Variants in AAK1 observed in about 807,000 individuals in gnomAD.
AAK1 encodes AP2-associated protein kinase 1.
A neutral mutation model predicts 116.0 loss-of-function variants in AAK1; 37 were observed. The observed-to-expected ratio is 0.32, with a 90% confidence interval of 0.25 to 0.42. The LOEUF is 0.42. Among genes scored for constraint, AAK1 ranks in the 10% least tolerant of loss-of-function variants. The pLI, the probability that AAK1 is intolerant of heterozygous loss-of-function variation, is 1.00. For synonymous variants in AAK1, 458 were observed against 439.9 expected (o/e 1.04, Z -0.51); for missense variants, 919 against 1,170.6 (o/e 0.79, Z 3.14).
chr2:69,518,845 AC>A (rs1676701868), intron 12 of AAK1, 108 bp downstream of exon 12: 16 of 1,401,476 alleles, frequency 1.1e-5, no homozygotes, highest in Non-Finnish European at 1.3e-5. Flanking sequence ...TCTATGAGAA[AC>A]AGTGATGTAA....
chr2:69,490,741 T>C (rs1329646412), intron 17 of AAK1, among the ~76,000 whole-genome samples: 1 of 152,106 alleles, frequency 6.6e-6, no homozygotes. Context: ...TGGATGGTAG[T>C]GATGGCTGCA....
chr2:69,612,408 T>C (rs1360444296), intron 2 of AAK1, among the ~76,000 whole-genome samples: 1 of 152,208 alleles, frequency 6.6e-6, no homozygotes. Context: ...GAGGTAACAG[T>C]AGGGCTGTGG....
In AAK1 at chr2:69,469,996, C is replaced by T; in HGVS notation, c.*5873G>A. On this transcript the variant is annotated 3_prime_UTR_variant, in exon 22 of 22. Coordinates refer to ENST00000409085, the MANE Select transcript of AAK1 (RefSeq NM_014911.5). ...ACCAGCTCCCTATTCACTTCCAAAG[C>T]AACCCAAAGTGCTGAATCATTTAGG... is the stretch of plus-strand genomic sequence containing the variant. 1.0e-6 allele frequency: 1 copy of T among 985,418 alleles called. No homozygotes were observed. 61.0% of individuals were successfully genotyped at this position (985,418 alleles called of 1,614,324 possible). A position where few individuals can be genotyped will look rare whatever the true frequency, so the allele number is the denominator to read the frequency against.
At chr2:69,514,907 AG>A (rs1676524145) in intron 12 of AAK1, among the ~76,000 whole-genome samples, 158 bp from the exon 13 acceptor site, 1 of 152,252 alleles carries the variant, frequency 6.6e-6, no homozygotes, top group South Asian at 2.1e-4. Context: ...TAGAGACCTC[AG>A]GGAATTAAAA....
chr2:69,493,329 C>G (rs1675615657), intron 17 of AAK1, among the ~76,000 whole-genome samples: 1 of 151,920 alleles, frequency 6.6e-6, no homozygotes, highest in Non-Finnish European at 1.5e-5. Context: ...AAACGACCTG[C>G]TGAGCCTAGC....
intron 2 of AAK1, among the ~76,000 whole-genome samples, chr2:69,627,451 A>G (rs1228334902): frequency 6.6e-6 from 1 of 152,198 alleles, no homozygotes; most frequent in African/African-American, 2.4e-5. Flanking sequence ...GACAGCCTCT[A>G]TGAAGTGGGA....
At chr2:69,521,693 T>A (rs1669784594) in intron 10 of AAK1, among the ~76,000 whole-genome samples, 1 of 152,240 alleles carries the variant, frequency 6.6e-6, no homozygotes, top group Non-Finnish European at 1.5e-5. Context: ...TGTTTCTAAG[T>A]CCTGGCATTA....
chr2:69,566,018 C>A (rs1362574539), intron 2 of AAK1, among the ~76,000 whole-genome samples: 4 of 152,072 alleles, frequency 2.6e-5, no homozygotes, highest in Non-Finnish European at 5.9e-5. Flanking sequence ...CTTGGGTGGA[C>A]TATTCAGGTG....
intron 2 of AAK1, among the ~76,000 whole-genome samples, chr2:69,633,903 C>T (rs1247971820): frequency 1.3e-5 from 2 of 152,190 alleles, no homozygotes; most frequent in South Asian, 2.1e-4. Flanking sequence ...GGCACAGTGG[C>T]TCACGCCTGT....
chr2:69,621,165 T>C (rs769273821), intron 2 of AAK1, among the ~76,000 whole-genome samples: 15 of 152,144 alleles, frequency 9.9e-5, no homozygotes, highest in African/African-American at 1.7e-4. Context: ...TTCAAGTATA[T>C]AGTAGAGTCG....
chr2:69,550,980 T>C (rs1671158449), intron 3 of AAK1, among the ~76,000 whole-genome samples: 1 of 152,192 alleles, frequency 6.6e-6, no homozygotes, highest in Non-Finnish European at 1.5e-5. Flanking sequence ...AGACAATTTT[T>C]TTCCTACTCC....
intron 17 of AAK1, among the ~76,000 whole-genome samples, chr2:69,490,249 G>C (rs1204246661): frequency 6.6e-6 from 1 of 152,106 alleles, no homozygotes; most frequent in Non-Finnish European, 1.5e-5. Flanking sequence ...ATGGAAAACA[G>C]TGGTCCTCAA....
chr2:69,592,425 G>GC (rs1400503504), intron 2 of AAK1, among the ~76,000 whole-genome samples: 2 of 152,114 alleles, frequency 1.3e-5, no homozygotes, highest in Non-Finnish European at 2.9e-5. Flanking sequence ...GCACAGGACA[G>GC]CCCCCCACAA....
Position 69,459,170 on chromosome 2 carries a change from C to G in AAK1, c.*16699G>C, listed in dbSNP as rs1193442098. 1 of 152,208 alleles carries G rather than the reference C, an allele frequency of 6.6e-6. No homozygotes were observed. The highest frequency in any genetic ancestry group is 1.5e-5 in the Non-Finnish European group (1 of 68,046). 9.4% of individuals were successfully genotyped at this position (152,208 alleles called of 1,614,324 possible). On this transcript the variant is annotated 3_prime_UTR_variant, in exon 22 of 22. Transcript: ENST00000409085. ...TCCGGGAAAAGTACCTCTGGGTTGT[C>G]ACTACAGAGTAAGGCTGGGGTCCTG...
At position 69,620,989 on chromosome 2, in the gene AAK1, A is replaced by T. The variant is rs189613635; in HGVS notation, c.163+21889T>A. On this transcript the variant is annotated intron_variant, in intron 2 of 21. Coordinates refer to ENST00000409085, the MANE Select transcript of AAK1 (RefSeq NM_014911.5). ...ATGAAATAAAATTTTTAAAAAGCAT[A>T]CCCTTTGCCCAACTCTCACTGTGGT... Among the ~76,000 whole-genome samples, 96 of 152,286 alleles carry T rather than the reference A, an allele frequency of 6.3e-4. 3 individuals are homozygous for T. Among genetic ancestry groups the T allele is most frequent in the Admixed American group, 5.5e-3 (84 of 15,296 alleles).
chr2:69,523,743 T>C (rs74737340), intron 10 of AAK1, among the ~76,000 whole-genome samples: 3,204 of 152,324 alleles, frequency 0.021, 73 homozygotes, highest in African/African-American at 0.051. Context: ...TGCTGTGTGT[T>C]TGCCCTGGTG....
At chr2:69,567,902 G>C (rs1671942717) in intron 2 of AAK1, among the ~76,000 whole-genome samples, 1 of 152,226 alleles carries the variant, frequency 6.6e-6, no homozygotes, top group East Asian at 1.9e-4. Context: ...CTTCAGTTGA[G>C]AGGGAAAAGA....
At chr2:69,549,598 C>T (rs4852272) in intron 3 of AAK1, among the ~76,000 whole-genome samples, 57,948 of 151,924 alleles carry the variant, frequency 0.38, 12,070 homozygotes, top group East Asian at 0.76. Context: ...GCAGAGTAGA[C>T]CAGCACTATC....
rs947605383 is a variant in AAK1 at position 69,466,243 on chromosome 2, C to G, written c.*9626G>C. On this transcript the variant is annotated 3_prime_UTR_variant, in exon 22 of 22. Transcript: ENST00000409085. ...ACTTCTGGTGGAGCGAATGGAACGG[C>G]TCCTCCCAGCTTCCCCGGGGGGGGT... 6.4e-5 allele frequency: 83 copies of G among 1,289,676 alleles called. No homozygotes were observed. The highest frequency in any genetic ancestry group is 8.1e-5 in the Non-Finnish European group (80 of 988,880). 79.9% of individuals were successfully genotyped at this position (1,289,676 alleles called of 1,614,324 possible). A position where few individuals can be genotyped will look rare whatever the true frequency, so the allele number is the denominator to read the frequency against.
Sources: allele counts gnomAD v4.1 joint callset (sites outside exome capture counted in the v4.1 genomes callset), GRCh38; gene constraint gnomAD v4.1.1; transcripts MANE v1.5; gene names NCBI Gene and HGNC (gene_info 2026-07-23, HGNC 2026-07-21).